SDK1: variants seen among roughly 807,000 people sequenced by gnomAD.
The protein encoded by SDK1 is sidekick cell adhesion molecule 1.
SDK1 carries 157 observed loss-of-function variants against 245.5 expected under a neutral mutation model. The observed-to-expected ratio is 0.64, with a 90% CI of 0.56 to 0.73. SDK1 has a LOEUF of 0.73. SDK1 is among the 30% of genes least tolerant of loss of function. The pLI is 0.00. For missense variants in SDK1, 3,583 were observed against 3,002.3 expected (o/e 1.19, Z -4.52); for synonymous variants, 1,647 against 1,278.5 (o/e 1.29, Z -6.15).
chr7:3,381,243 C>A (rs1348827835), intron 1 of SDK1, among the ~76,000 whole-genome samples: 1 of 151,988 alleles, frequency 6.6e-6, no homozygotes, highest in Admixed American at 6.6e-5. Context: ...GAGGTGGTCA[C>A]CTGGAGGGTG....
intron 1 of SDK1, among the ~76,000 whole-genome samples, chr7:3,485,645 C>A (rs1781661267): frequency 1.0e-5 from 1 of 99,044 alleles, no homozygotes; most frequent in Admixed American, 1.2e-4. Flanking sequence ...GATAGTTGTT[C>A]ATTTTGATGT....
At chr7:3,567,010 A>G (rs900310306) in intron 1 of SDK1, among the ~76,000 whole-genome samples, 3 of 152,200 alleles carry the variant, frequency 2.0e-5, no homozygotes, top group Admixed American at 6.5e-5. Flanking sequence ...AAGTTGCTGA[A>G]TTAGGCCCAG....
intron 1 of SDK1, among the ~76,000 whole-genome samples, chr7:3,409,355 T>A (rs1172578768): frequency 6.6e-6 from 1 of 151,480 alleles, no homozygotes; most frequent in Admixed American, 6.6e-5. Flanking sequence ...TTGGTTAACC[T>A]GAGAATGGAT....
rs1779265884 is a variant in SDK1, at chr7:3,301,721, C to A, written c.135C>A (p.Gly45=). ...RARPSLAPRP[G]PEPSRPRAAP... is the part of the protein sequence containing the mutation. The stretch of plus-strand genomic sequence containing the variant: ...GCCCCTCGCTGGCGCCGCGCCCCGG[C>A]CCGGAGCCCTCGCGACCCCGGGCGG... The change falls in exon 1 of 45, where the codon GGC becomes GGA. Residue 45 remains glycine (G), a synonymous_variant. Transcript: ENST00000404826. 1 of 976,582 alleles carries A rather than the reference C, an allele frequency of 1.0e-6. No individual in the cohort carries two copies. Among genetic ancestry groups the A allele is most frequent in the African/African-American group, 1.8e-5 (1 of 56,310 alleles). 60.5% of individuals were successfully genotyped at this position (976,582 alleles called of 1,614,324 possible).
At chr7:3,813,157 T>C (rs552111636) in intron 4 of SDK1, among the ~76,000 whole-genome samples, 8 of 150,802 alleles carry the variant, frequency 5.3e-5, no homozygotes, top group African/African-American at 1.9e-4. Context: ...CATGTGCACA[T>C]TGTGCAGGTT....
At chr7:3,676,550 C>G (rs1034448164) in intron 4 of SDK1, among the ~76,000 whole-genome samples, 12 of 152,162 alleles carry the variant, frequency 7.9e-5, no homozygotes, top group African/African-American at 9.7e-5. Flanking sequence ...TGGTCTCAAT[C>G]TCCTGACCTT....
At chr7:3,908,411 C>A (rs1779035794) in intron 5 of SDK1, among the ~76,000 whole-genome samples, 1 of 152,196 alleles carries the variant, frequency 6.6e-6, no homozygotes, top group South Asian at 2.1e-4. Flanking sequence ...ACAGCGTCGA[C>A]ACATCCCTTC....
At chr7:3,854,468 C>G (rs1047049953) in intron 5 of SDK1, among the ~76,000 whole-genome samples, 1 of 152,180 alleles carries the variant, frequency 6.6e-6, no homozygotes, top group African/African-American at 2.4e-5. Flanking sequence ...AATCTCAATA[C>G]TAATTACTGG....
At chr7:4,152,537 G>A (rs568666481) in intron 30 of SDK1, among the ~76,000 whole-genome samples, 2 of 152,164 alleles carry the variant, frequency 1.3e-5, no homozygotes, top group Non-Finnish European at 1.5e-5. Context: ...CAGACTAATC[G>A]TGTGTCCGGG....
intron 1 of SDK1, among the ~76,000 whole-genome samples, chr7:3,394,599 A>T (rs1285594137): frequency 6.7e-6 from 1 of 149,368 alleles, no homozygotes; most frequent in Non-Finnish European, 1.5e-5. Context: ...GAATGTATAG[A>T]TCAATTTGGG....
At chr7:4,207,664 G>C (rs114092938) in intron 36 of SDK1, among the ~76,000 whole-genome samples, 1,654 of 152,176 alleles carry the variant, frequency 0.011, 31 homozygotes, top group African/African-American at 0.038. Context: ...CTCGGAGCAG[G>C]GGGTGGACAC....
At chr7:3,521,127 C>T (rs983689454) in intron 1 of SDK1, among the ~76,000 whole-genome samples, 2 of 152,116 alleles carry the variant, frequency 1.3e-5, no homozygotes, top group African/African-American at 2.4e-5. Flanking sequence ...CAGCTCTTGG[C>T]CAGGGGCTGG....
At chr7:3,467,425 T>G (rs868207129) in intron 1 of SDK1, among the ~76,000 whole-genome samples, 2 of 151,994 alleles carry the variant, frequency 1.3e-5, no homozygotes, top group African/African-American at 4.8e-5. Flanking sequence ...CAAAAATGTA[T>G]AGTATAAAAA....
intron 5 of SDK1, among the ~76,000 whole-genome samples, chr7:3,911,344 C>T (rs1313801597): frequency 6.6e-6 from 1 of 152,136 alleles, no homozygotes; most frequent in Admixed American, 6.5e-5. Context: ...TAACAAAGTG[C>T]CATAGACAGA....
intron 1 of SDK1, among the ~76,000 whole-genome samples, chr7:3,602,895 T>C (rs1252217721): frequency 2.0e-5 from 3 of 152,158 alleles, no homozygotes; most frequent in African/African-American, 7.2e-5. Context: ...TTTCTACATA[T>C]GGCTAGCCAG....
intron 1 of SDK1, among the ~76,000 whole-genome samples, chr7:3,516,538 A>G (rs573670857): frequency 3.9e-5 from 6 of 152,270 alleles, no homozygotes; most frequent in African/African-American, 1.2e-4. Context: ...TTATGAAACT[A>G]TTCTCCTGAT....
At chr7:3,585,031 C>G (rs1385592327) in intron 1 of SDK1, among the ~76,000 whole-genome samples, 1 of 152,124 alleles carries the variant, frequency 6.6e-6, no homozygotes, top group East Asian at 1.9e-4. Context: ...GCCAACTTCA[C>G]GTTTTGAGTG....
At chr7:3,539,887 G>T (rs1389451792) in intron 1 of SDK1, among the ~76,000 whole-genome samples, 9 of 152,236 alleles carry the variant, frequency 5.9e-5, no homozygotes, top group Non-Finnish European at 1.3e-4. Flanking sequence ...GAGAGTGGCA[G>T]CCTGGAGGGC....
intron 5 of SDK1, among the ~76,000 whole-genome samples, chr7:3,903,908 C>T (rs1204849281): frequency 2.0e-5 from 3 of 152,120 alleles, no homozygotes; most frequent in East Asian, 1.9e-4. Flanking sequence ...CCTTGCACCT[C>T]CTAGACTCTG....
Sources: gnomAD v4.1 joint callset for allele counts (sites outside exome capture counted in the v4.1 genomes callset) on GRCh38, gnomAD v4.1.1 for gene constraint, MANE v1.5 for transcripts, NCBI Gene and HGNC (gene_info 2026-07-23, HGNC 2026-07-21) for gene names.